MCM5: variants seen among roughly 807,000 people sequenced by gnomAD.
MCM5 encodes the protein DNA replication licensing factor MCM5.
In MCM5, 46 loss-of-function variants were observed where a neutral mutation model predicts 79.9. The observed-to-expected ratio is 0.58, with a 90% CI of 0.45 to 0.74. The LOEUF is 0.74. Among genes scored for constraint, MCM5 ranks in the 30% least tolerant of loss-of-function variants. The pLI, the probability that MCM5 is intolerant of heterozygous loss-of-function variation, is 0.00. For synonymous variants in MCM5, 404 were observed against 390.5 expected (o/e 1.03, Z -0.41); for missense variants, 883 against 1,017.0 (o/e 0.87, Z 1.79).
intron 15 of MCM5, chr22:35,422,954 C>T (rs1282516282): frequency 1.3e-5 from 4 of 309,354 alleles, no homozygotes; most frequent in South Asian, 1.4e-4. Context: ...GTCTCTGCTG[C>T]GCTGGGCCCC....
chr22:35,438,949 A>G, the MCM5 span, among the ~76,000 whole-genome samples: 3 of 150,904 alleles, frequency 2.0e-5, no homozygotes, highest in African/African-American at 4.9e-5. Context: ...TCATCCATCC[A>G]TGCATCCACC....
chr22:35,453,819 T>TAGAGAGAGAGAGAGAGAG, the MCM5 span, among the ~76,000 whole-genome samples: 2 of 81,542 alleles, frequency 2.5e-5, no homozygotes, highest in African/African-American at 6.0e-5. Context: ...TATATATATA[T>TAGAGAGAGAGAGAGAGAG]AGAGAGAGAG....
At chr22:35,426,336 G>C (rs1277053607), downstream of MCM5, among the ~76,000 whole-genome samples, 2 of 152,176 alleles carry the variant, frequency 1.3e-5, no homozygotes, top group African/African-American at 4.8e-5. Context: ...GGAGAGGGGA[G>C]CATTCAGGCT....
At chr22:35,421,100 C>T (rs1005602264) in intron 14 of MCM5, among the ~76,000 whole-genome samples, 1 of 144,112 alleles carries the variant, frequency 6.9e-6, no homozygotes, top group Admixed American at 7.1e-5. Context: ...TACATTCCAG[C>T]CTGGTCCACA....
intron 12 of MCM5, 103 bp downstream of exon 12, chr22:35,416,917 CCTGA>C: frequency 2.2e-6 from 3 of 1,340,816 alleles, no homozygotes; most frequent in Non-Finnish European, 3.1e-6. Context: ...CTGGCAAAGT[CCTGA>C]CTGTCAGGCT....
the MCM5 span, among the ~76,000 whole-genome samples, chr22:35,436,164 C>CAA: frequency 0.1 from 6,201 of 60,752 alleles, 660 homozygotes; most frequent in African/African-American, 0.24. Flanking sequence ...AACTCAGTCT[C>CAA]AAAAAAAAAA....
chr22:35,424,362 C>A lies in MCM5; in HGVS notation c.*107C>A. ...ACCTCTGCCTCCCCACTGCAGCCCTCGAACTTCCCAGGCACCCTCCTTTCT... is the reference window on the plus strand; with the variant it reads ...ACCTCTGCCTCCCCACTGCAGCCCTAGAACTTCCCAGGCACCCTCCTTTCT... On this transcript the variant is annotated 3_prime_UTR_variant, in exon 17 of 17. Coordinates refer to ENST00000216122, the MANE Select transcript of MCM5 (RefSeq NM_006739.4). 2 of 804,914 alleles carry A rather than the reference C, an allele frequency of 2.5e-6. No homozygotes were observed. Among genetic ancestry groups the A allele is most frequent in the Non-Finnish European group, 3.9e-6 (2 of 511,938 alleles). The allele number at this position is 804,914 out of a possible 1,614,324, so 49.9% of individuals were successfully genotyped here.
At chr22:35,404,844 T>C (rs1383292889) in intron 4 of MCM5, among the ~76,000 whole-genome samples, 1 of 152,154 alleles carries the variant, frequency 6.6e-6, no homozygotes, top group African/African-American at 2.4e-5. Context: ...TCCTGTACAC[T>C]AGTGGCTCAG....
At chr22:35,448,888 C>T in the MCM5 span, among the ~76,000 whole-genome samples, 2 of 152,094 alleles carry the variant, frequency 1.3e-5, no homozygotes, top group Non-Finnish European at 2.9e-5. Context: ...CTTGTTTGTC[C>T]CATGGTGGTG....
the MCM5 span, among the ~76,000 whole-genome samples, chr22:35,436,823 G>T: frequency 1.3e-5 from 2 of 150,540 alleles, no homozygotes; most frequent in South Asian, 4.2e-4. Flanking sequence ...CTGGCAAAGT[G>T]CCCTTGGGAT....
chr22:35,408,252 C>T (rs1932275618), intron 5 of MCM5, among the ~76,000 whole-genome samples, 156 bp from the exon 6 acceptor site: 2 of 152,188 alleles, frequency 1.3e-5, no homozygotes, highest in South Asian at 2.1e-4. Flanking sequence ...TTCTTACCTC[C>T]AGGCAGCGTT....
At chr22:35,417,632 C>T (rs777802710) in intron 12 of MCM5, 112 bp from the exon 13 acceptor site, 80 of 756,416 alleles carry the variant, frequency 1.1e-4, no homozygotes, top group Admixed American at 1.7e-4. Flanking sequence ...GCACCCTTTC[C>T]GGCTCCTTGA....
the MCM5 span, among the ~76,000 whole-genome samples, chr22:35,453,815 TATATAGAG>T: frequency 2.2e-5 from 2 of 89,188 alleles, no homozygotes; most frequent in African/African-American, 1.1e-4. Context: ...TATATATATA[TATATAGAG>T]AGAGAGAGAG....
chr22:35,421,409 C>T lies in MCM5; in HGVS notation c.1924C>T (p.Arg642Trp), dbSNP rs142049488. 9.9e-6 allele frequency: 16 copies of T among 1,613,978 alleles called. No homozygotes were observed. Among genetic ancestry groups the T allele is most frequent in the Admixed American group, 5.0e-5 (3 of 59,996 alleles). ...AGAGGCAGATGTGGAGGAGGCCCTG[C>T]GGCTCTTCCAAGTGTCCACGTTGGA... Reference protein sequence around the residue: ...ATEADVEEALRLFQVSTLDAA... With the variant: ...ATEADVEEALWLFQVSTLDAA... Residue 642 changes from arginine to tryptophan, a missense_variant, in exon 15 of 17, where the codon CGG becomes TGG. Physicochemically the swap from Arg to Trp is moderately radical, Grantham distance 101. Around this residue, in one of 3 missense-constraint regions of MCM5, gnomAD observed 426 missense variants for 482.3 expected, o/e 0.88. Coordinates refer to ENST00000216122, the MANE Select transcript of MCM5 (RefSeq NM_006739.4).
rs1380381100 is a variant in MCM5, at chr22:35,425,265, T to G, written c.*1010T>G. The G allele has an allele frequency of 6.6e-6, 1 of 152,220 alleles. No individual in the cohort carries two copies. Among genetic ancestry groups the G allele is most frequent in the African/African-American group, 2.4e-5 (1 of 41,446 alleles). 9.4% of individuals were successfully genotyped at this position (152,220 alleles called of 1,614,324 possible). On this transcript the variant is annotated 3_prime_UTR_variant, in exon 17 of 17. Transcript: ENST00000216122. ...AAATAGAAATCAGTGAAATAAAATA[T>G]TTGATATTTAAAATACATTTAGAAA...
chr22:35,418,674 T>A (rs1404295539), intron 13 of MCM5, among the ~76,000 whole-genome samples: 23 of 130,974 alleles, frequency 1.8e-4, no homozygotes, highest in African/African-American at 7.0e-4. Flanking sequence ...AAAAAAAATA[T>A]ATATATATGT....
intron 16 of MCM5, chr22:35,423,941 T>G: frequency 3.8e-6 from 2 of 531,570 alleles, no homozygotes; most frequent in Non-Finnish European, 6.7e-6. Flanking sequence ...GGGACTTAAG[T>G]CCCAGCTCTA....
At chr22:35,453,864 G>C in the MCM5 span, among the ~76,000 whole-genome samples, 6 of 142,586 alleles carry the variant, frequency 4.2e-5, no homozygotes, top group African/African-American at 1.3e-4. Context: ...AGAGGGAGAG[G>C]GAGTGGGTCC....
chr22:35,423,026 G>A (rs911746001), intron 15 of MCM5, 188 bp from the exon 16 acceptor site: 7 of 469,954 alleles, frequency 1.5e-5, no homozygotes, highest in Non-Finnish European at 2.6e-5. Flanking sequence ...TTGGCCTGGA[G>A]TGTCCCCACA....
Sources: gnomAD v4.1 joint callset for allele counts (sites outside exome capture counted in the v4.1 genomes callset) on GRCh38, gnomAD v4.1.1 for gene constraint, gnomAD v4.1.1 regional missense constraint, MANE v1.5 for transcripts, NCBI Gene and HGNC (gene_info 2026-07-23, HGNC 2026-07-21) for gene names.